ATL1: variants seen among roughly 807,000 people sequenced by gnomAD.
ATL1 encodes the protein atlastin-1.
ATL1 carries 31 observed loss-of-function variants against 75.5 expected under a neutral mutation model. The observed-to-expected ratio is 0.41, with a 90% CI of 0.31 to 0.55. The LOEUF (loss-of-function observed/expected upper bound fraction) is 0.55, where lower values mean the gene tolerates loss of function less well. Ranked by LOEUF, ATL1 falls within the 20% of genes least tolerant of loss-of-function variation. The pLI is 0.27. For synonymous variants in ATL1, 226 were observed against 233.3 expected (o/e 0.97, Z 0.28); for missense variants, 405 against 662.6 (o/e 0.61, Z 4.27).
intron 13 of ATL1, chr14:50,630,789 G>C: frequency 9.4e-6 from 3 of 320,824 alleles, no homozygotes; most frequent in South Asian, 7.9e-5. Flanking sequence ...CAGTAAGCAA[G>C]TTCATTAAAA....
upstream of ATL1, among the ~76,000 whole-genome samples, chr14:50,556,865 T>C (rs2140168182): frequency 6.6e-6 from 1 of 152,360 alleles, no homozygotes; most frequent in South Asian, 2.1e-4. Context: ...ATTATATGGA[T>C]ATACTACATT....
chr14:50,596,507 G>C (rs1487023883), intron 6 of ATL1, among the ~76,000 whole-genome samples: 1 of 152,134 alleles, frequency 6.6e-6, no homozygotes, highest in East Asian at 1.9e-4. Context: ...GCATAGAATA[G>C]TGTAAGTAAC....
rs576566121 is a variant in ATL1, at chr14:50,547,076, A to T, written c.-139-13051A>T. ...CACATGGACACAGGGGGAGGGGGGAACTTTAAGGTTTTTACTTAGGTGAAC... is the reference window on the plus strand; with the variant it reads ...CACATGGACACAGGGGGAGGGGGGATCTTTAAGGTTTTTACTTAGGTGAAC... On this transcript the variant is annotated intron_variant, in intron 1 of 13. Transcript: ENST00000441560. Among the ~76,000 whole-genome samples the T allele has an allele frequency of 2.0e-5, 3 of 152,238 alleles. No individual in the cohort carries two copies. In the South Asian group the frequency reaches 6.2e-4, roughly 32 times the overall value.
intron 1 of ATL1, among the ~76,000 whole-genome samples, chr14:50,554,444 G>T (rs1479715503): frequency 6.6e-6 from 1 of 152,154 alleles, no homozygotes; most frequent in African/African-American, 2.4e-5. Context: ...CCCACTCAAG[G>T]ACTTTCATGC....
intron 6 of ATL1, among the ~76,000 whole-genome samples, chr14:50,596,929 G>C (rs2039223140): frequency 6.6e-6 from 1 of 152,044 alleles, no homozygotes; most frequent in African/African-American, 2.4e-5. Context: ...GAAAAAGTAG[G>C]CTGGGCACAT....
At chr14:50,630,912 G>T (rs1162763829) in intron 13 of ATL1, 1 of 455,122 alleles carries the variant, frequency 2.2e-6, no homozygotes, top group East Asian at 7.0e-5. Flanking sequence ...ATACTATGTT[G>T]CACCAATATA....
intron 12 of ATL1, 108 bp from the exon 13 acceptor site, chr14:50,629,887 G>GTTCTA: frequency 1.3e-6 from 1 of 788,752 alleles, no homozygotes; most frequent in Admixed American, 3.4e-5. Flanking sequence ...AGGAGTATCT[G>GTTCTA]TTCTGAAATG....
intron 12 of ATL1, chr14:50,628,676 A>G (rs2039547210): frequency 1.4e-6 from 1 of 702,858 alleles, no homozygotes; most frequent in African/African-American, 1.8e-5. Context: ...ACATTTCAGC[A>G]TTTAAAAAAA....
intron 1 of ATL1, 152 bp downstream of exon 1, chr14:50,560,451 G>A: frequency 1.9e-6 from 2 of 1,065,934 alleles, no homozygotes; most frequent in South Asian, 1.4e-5. Context: ...CTGTTTGGGC[G>A]GAGGAACCAT....
At chr14:50,602,834 T>G (rs2039283549) in intron 6 of ATL1, among the ~76,000 whole-genome samples, 1 of 152,152 alleles carries the variant, frequency 6.6e-6, no homozygotes, top group Non-Finnish European at 1.5e-5. Flanking sequence ...TGATGATTGA[T>G]GCAGAAGCAG....
intron 1 of ATL1, among the ~76,000 whole-genome samples, chr14:50,574,937 G>GTATATATATATATATA (rs71118894): frequency 6.0e-4 from 14 of 23,158 alleles, no homozygotes; most frequent in South Asian, 1.6e-3. Context: ...GTGTGTGTGT[G>GTATATATATATATATA]TATATATATA....
chr14:50,555,796 A>G (rs2038758577), upstream of ATL1, among the ~76,000 whole-genome samples: 1 of 152,208 alleles, frequency 6.6e-6, no homozygotes, highest in African/African-American at 2.4e-5. Flanking sequence ...TGTTGCATGA[A>G]AGTAAATGTC....
intron 1 of ATL1, among the ~76,000 whole-genome samples, chr14:50,574,610 G>A (rs959205816): frequency 3.9e-5 from 6 of 152,096 alleles, no homozygotes; most frequent in Admixed American, 1.3e-4. Flanking sequence ...AAAGGCATAT[G>A]TATTTGTTTT....
At chr14:50,632,001 G>T in intron 13 of ATL1, 1 of 358,092 alleles carries the variant, frequency 2.8e-6, no homozygotes, top group African/African-American at 2.1e-5. Context: ...AGGAAACACA[G>T]TTTGAGAATA....
At chr14:50,564,974 C>A (rs2038889040) in intron 1 of ATL1, among the ~76,000 whole-genome samples, 1 of 151,954 alleles carries the variant, frequency 6.6e-6, no homozygotes, top group Non-Finnish European at 1.5e-5. Flanking sequence ...CCTAATTCTT[C>A]TAAAACAATA....
At chr14:50,619,211 G>A (rs574829944) in intron 8 of ATL1, among the ~76,000 whole-genome samples, 14 of 152,140 alleles carry the variant, frequency 9.2e-5, no homozygotes, top group East Asian at 1.9e-4. Flanking sequence ...TGCCACCCAC[G>A]CCTGGCTAAT....
chr14:50,595,013 C>T (rs145184523), intron 5 of ATL1, among the ~76,000 whole-genome samples: 1 of 126,812 alleles, frequency 7.9e-6, no homozygotes, highest in African/African-American at 3.1e-5. Flanking sequence ...AAAAAAAAAA[C>T]AAAAAAGAAA....
chr14:50,555,238 G>C (rs2038751139), upstream of ATL1, among the ~76,000 whole-genome samples: 1 of 151,326 alleles, frequency 6.6e-6, no homozygotes. Flanking sequence ...ATGGAAGAAG[G>C]CATGAAGAAC....
In ATL1 at chr14:50,553,680, T is replaced by A. The variant is rs1389209713; in HGVS notation, c.-139-6447T>A. The stretch of plus-strand genomic sequence containing the variant: ...TGTTTGTAGCAGCACAATTCACAAT[T>A]ACAAAGATATGGAACCAAGCTAAAT... On this transcript the variant is annotated intron_variant, in intron 1 of 13. Coordinates refer to the ATL1 transcript ENST00000441560. Among the ~76,000 whole-genome samples, 3 of 152,202 alleles carry A rather than the reference T, an allele frequency of 2.0e-5. No homozygotes were observed. The East Asian group carries it at 5.8e-4, about 29-fold the overall frequency.
Sources: allele counts gnomAD v4.1 joint callset (sites outside exome capture counted in the v4.1 genomes callset), GRCh38; gene constraint gnomAD v4.1.1; transcripts MANE v1.5; gene names NCBI Gene and HGNC (gene_info 2026-07-23, HGNC 2026-07-21).